TENM2: variants seen among roughly 807,000 people sequenced by gnomAD.
TENM2 encodes the protein teneurin-2.
In TENM2, 52 loss-of-function variants were observed where a neutral mutation model predicts 245.2. The ratio of observed to expected loss-of-function variants is 0.21; its 90% confidence interval spans 0.17 to 0.27. The LOEUF is 0.27. Ranked by LOEUF, TENM2 falls within the 10% of genes least tolerant of loss-of-function variation. The pLI, the probability that TENM2 is intolerant of heterozygous loss-of-function variation, is 1.00. For synonymous variants in TENM2, 1,363 were observed against 1,438.9 expected, an observed-to-expected ratio of 0.95 and a Z score of 1.19; for missense variants, 3,046 against 3,666.8, an observed-to-expected ratio of 0.83 and a Z score of 4.37.
intron 1 of TENM2, among the ~76,000 whole-genome samples, chr5:167,356,216 A>AAAAAAAAAAAAAAAAAG (rs1412322682): frequency 7.4e-6 from 1 of 134,324 alleles, no homozygotes; most frequent in African/African-American, 3.2e-5. Context: ...AAAAAAAAAA[A>AAAAAAAAAAAAAAAAAG]AAAAATTAAA....
chr5:167,653,024 A>AT (rs1194676003), intron 2 of TENM2, among the ~76,000 whole-genome samples: 1 of 152,126 alleles, frequency 6.6e-6, no homozygotes, highest in Non-Finnish European at 1.5e-5. Context: ...ATATTATTCT[A>AT]TTGAGTCATC....
chr5:167,567,700 A>G (rs1322112938), intron 2 of TENM2, among the ~76,000 whole-genome samples: 1 of 152,214 alleles, frequency 6.6e-6, no homozygotes, highest in Non-Finnish European at 1.5e-5. Context: ...GCACACACAC[A>G]CAAATACATA....
At chr5:167,509,868 G>A (rs1432481676) in intron 2 of TENM2, among the ~76,000 whole-genome samples, 2 of 152,116 alleles carry the variant, frequency 1.3e-5, no homozygotes, top group Non-Finnish European at 2.9e-5. Context: ...GCCAGGTTTT[G>A]GACCTAAGTT....
At chr5:167,794,278 G>A (rs181657565) in intron 2 of TENM2, among the ~76,000 whole-genome samples, 3 of 152,200 alleles carry the variant, frequency 2.0e-5, no homozygotes, top group Admixed American at 1.3e-4. Context: ...TTTACTTTGG[G>A]CATGACAAAT....
chr5:167,029,846 T>G, the TENM2 span, among the ~76,000 whole-genome samples: 1 of 152,314 alleles, frequency 6.6e-6, no homozygotes, highest in Middle Eastern at 3.4e-3. Context: ...AACATTTTAT[T>G]CCAATTGTGT....
the TENM2 span, among the ~76,000 whole-genome samples, chr5:167,174,027 GTTC>G: frequency 6.6e-6 from 1 of 151,556 alleles, no homozygotes; most frequent in African/African-American, 2.4e-5. Context: ...GGAGCGATTT[GTTC>G]TTCATTTCCT....
chr5:168,022,562 A>G (rs1192927835), intron 5 of TENM2, among the ~76,000 whole-genome samples: 3 of 152,140 alleles, frequency 2.0e-5, no homozygotes, highest in African/African-American at 7.2e-5. Flanking sequence ...CACTCGGGTT[A>G]AGTTTTGCTT....
the TENM2 span, among the ~76,000 whole-genome samples, chr5:167,067,402 T>C: frequency 6.6e-6 from 1 of 152,170 alleles, no homozygotes; most frequent in Non-Finnish European, 1.5e-5. Context: ...ACTTGGTGCA[T>C]CTTTAAGATA....
chr5:168,197,161 A>C (rs895712270), intron 15 of TENM2, among the ~76,000 whole-genome samples: 4 of 152,222 alleles, frequency 2.6e-5, no homozygotes, highest in Non-Finnish European at 5.9e-5. Context: ...ATGCCCGATA[A>C]ATAAGCACAT....
chr5:168,233,539 C>T (rs1024309044), intron 25 of TENM2, among the ~76,000 whole-genome samples: 3 of 152,186 alleles, frequency 2.0e-5, no homozygotes, highest in Admixed American at 1.3e-4. Context: ...ATACATTGCC[C>T]CTACATCTGT....
chr5:167,648,875 T>C (rs1780151099), intron 2 of TENM2, among the ~76,000 whole-genome samples: 1 of 152,214 alleles, frequency 6.6e-6, no homozygotes. Flanking sequence ...TTCAGGCAAC[T>C]TTCTGAAGCA....
chr5:167,086,424 C>T, the TENM2 span, among the ~76,000 whole-genome samples: 55 of 152,060 alleles, frequency 3.6e-4, no homozygotes, highest in East Asian at 1.9e-4. Context: ...CTCATGGCCC[C>T]GAGGTCCTAG....
intron 2 of TENM2, among the ~76,000 whole-genome samples, chr5:167,859,487 AC>A (rs1771484345): frequency 1.2e-5 from 1 of 84,226 alleles, no homozygotes; most frequent in Admixed American, 1.1e-4. Context: ...CTGGCCAGCC[AC>A]CCCGTCCGGG....
At chr5:167,224,007 C>T in the TENM2 span, among the ~76,000 whole-genome samples, 1 of 152,084 alleles carries the variant, frequency 6.6e-6, no homozygotes, top group Non-Finnish European at 1.5e-5. Flanking sequence ...AAATGTCTAT[C>T]ATGTTCTTTG....
intron 21 of TENM2, 28 bp from the exon 24 acceptor site, chr5:168,216,740 A>G (rs1055131624): frequency 7.4e-6 from 12 of 1,613,362 alleles, no homozygotes; most frequent in Admixed American, 5.0e-5. Flanking sequence ...TTTCCAAGAG[A>G]TAAATCCACA....
the TENM2 span, among the ~76,000 whole-genome samples, chr5:167,216,196 C>T: frequency 2.6e-5 from 4 of 152,180 alleles, no homozygotes; most frequent in Non-Finnish European, 5.9e-5. Flanking sequence ...ATTTCAAAGT[C>T]CCCATTAGAA....
At chr5:167,359,098 T>C (rs558823943) in intron 1 of TENM2, among the ~76,000 whole-genome samples, 2 of 152,346 alleles carry the variant, frequency 1.3e-5, no homozygotes, top group Non-Finnish European at 2.9e-5. Flanking sequence ...ATTCCTTTAC[T>C]ACTCTTTGCA....
intron 13 of TENM2, among the ~76,000 whole-genome samples, chr5:168,172,101 C>T (rs1758889804): frequency 6.6e-6 from 1 of 152,170 alleles, no homozygotes; most frequent in Admixed American, 6.5e-5. Context: ...ATTCACGAGT[C>T]ATGGTGGTGG....
At chr5:167,533,546 G>A (rs943302315) in intron 2 of TENM2, among the ~76,000 whole-genome samples, 4 of 152,080 alleles carry the variant, frequency 2.6e-5, no homozygotes, top group Admixed American at 6.6e-5. Flanking sequence ...TTGACCTACT[G>A]AGCTCAAATA....
Sources: allele counts gnomAD v4.1 joint callset (sites outside exome capture counted in the v4.1 genomes callset), GRCh38; gene constraint gnomAD v4.1.1; transcripts MANE v1.5; gene names NCBI Gene and HGNC (gene_info 2026-07-23, HGNC 2026-07-21).